Variants in CTNNA3 observed in about 807,000 individuals in gnomAD.
CTNNA3 encodes the protein catenin alpha 3.
CTNNA3 carries 76 observed loss-of-function variants against 95.7 expected under a neutral mutation model. The observed-to-expected ratio is 0.79, with a 90% CI of 0.66 to 0.96. The LOEUF (loss-of-function observed/expected upper bound fraction) is 0.96. Ranked by LOEUF, CTNNA3 falls within the 40% of genes least tolerant of loss-of-function variation. The pLI is 0.00. For synonymous variants in CTNNA3, 431 were observed against 374.4 expected, an observed-to-expected ratio of 1.15 and a Z score of -1.74; for missense variants, 1,191 against 1,089.8, an observed-to-expected ratio of 1.09 and a Z score of -1.31.
chr10:66,119,230 A>G (rs2082467691), intron 13 of CTNNA3, among the ~76,000 whole-genome samples: 1 of 152,202 alleles, frequency 6.6e-6, no homozygotes, highest in Admixed American at 6.5e-5. Flanking sequence ...TTATGAAGCT[A>G]ATGTAACATT....
chr10:67,530,799 A>G (rs1179459045), intron 4 of CTNNA3, among the ~76,000 whole-genome samples: 1 of 152,226 alleles, frequency 6.6e-6, no homozygotes. Context: ...CTCCCATCAC[A>G]GGCCAGGAAG....
chr10:66,525,716 A>G (rs1164931127), intron 10 of CTNNA3, among the ~76,000 whole-genome samples: 1 of 152,164 alleles, frequency 6.6e-6, no homozygotes, highest in Non-Finnish European at 1.5e-5. Context: ...CAGTGGCATT[A>G]AGTACATTCA....
In CTNNA3 at chr10:66,103,209, T is replaced by A; in HGVS notation, c.1925A>T (p.Glu642Val). The part of the protein sequence containing the change: ...ELEDVSDLEE[E>V]HEVRSHTSIQ... ...GCTGGTGTGACTGCGGACCTCGTGT[T>A]CCTCTTCAAGGTCAGAAACATCCTC... Residue 642 changes from glutamate (E) to valine (V), a missense_variant, in exon 14 of 18, where the codon GAA becomes GTA. Glu to Val is a moderately radical substitution (Grantham distance 121). Transcript: ENST00000433211. The A allele has an allele frequency of 6.2e-7, 1 of 1,614,128 alleles. No homozygotes were observed.
intron 9 of CTNNA3, among the ~76,000 whole-genome samples, chr10:66,635,560 T>C (rs1426816968): frequency 6.6e-6 from 1 of 152,166 alleles, no homozygotes; most frequent in African/African-American, 2.4e-5. Flanking sequence ...AGTGAGTCTA[T>C]TTCTGAATCA....
chr10:67,374,105 C>T (rs944562790), intron 5 of CTNNA3, among the ~76,000 whole-genome samples: 3 of 152,142 alleles, frequency 2.0e-5, no homozygotes, highest in Non-Finnish European at 2.9e-5. Context: ...GATTTCCTTA[C>T]AGCTCTAGAG....
chr10:67,112,822 C>T (rs12415118), intron 7 of CTNNA3, among the ~76,000 whole-genome samples: 118,822 of 152,062 alleles, frequency 0.78, 47,254 homozygotes, highest in African/African-American at 0.94. Context: ...TTTTCTTCTA[C>T]ATTTAATCAA....
At chr10:66,812,446 C>A (rs1339469058) in intron 7 of CTNNA3, among the ~76,000 whole-genome samples, 6 of 151,996 alleles carry the variant, frequency 3.9e-5, no homozygotes, top group Admixed American at 6.6e-5. Flanking sequence ...GAGTGAAAGG[C>A]AACATAATAC....
At chr10:66,804,637 G>A (rs1841567648) in intron 7 of CTNNA3, among the ~76,000 whole-genome samples, 1 of 152,010 alleles carries the variant, frequency 6.6e-6, no homozygotes. Flanking sequence ...AAGGGGTACT[G>A]ACTAGATGAA....
At chr10:67,003,923 G>T (rs1851822493) in intron 7 of CTNNA3, among the ~76,000 whole-genome samples, 1 of 152,126 alleles carries the variant, frequency 6.6e-6, no homozygotes, top group Non-Finnish European at 1.5e-5. Flanking sequence ...CCTTGCACAT[G>T]TTTTTTATTG....
chr10:66,106,337 T>TTG (rs201326026), intron 13 of CTNNA3, among the ~76,000 whole-genome samples: 6,415 of 145,420 alleles, frequency 0.044, 123 homozygotes, highest in East Asian at 0.095. Context: ...GTGTGTGTGT[T>TTG]TGTGTGTGTG....
intron 11 of CTNNA3, among the ~76,000 whole-genome samples, chr10:66,447,924 T>C (rs1564973736): frequency 6.6e-6 from 1 of 152,046 alleles, no homozygotes; most frequent in South Asian, 2.1e-4. Flanking sequence ...CGCAACCTAC[T>C]CATCTGACAA....
intron 5 of CTNNA3, among the ~76,000 whole-genome samples, chr10:67,504,691 T>C (rs1005378717): frequency 3.3e-5 from 5 of 152,070 alleles, no homozygotes; most frequent in Admixed American, 3.3e-4. Flanking sequence ...TGGATAAACA[T>C]CCGATCATTT....
At chr10:66,185,680 T>C (rs559001425) in intron 13 of CTNNA3, among the ~76,000 whole-genome samples, 1 of 152,108 alleles carries the variant, frequency 6.6e-6, no homozygotes, top group South Asian at 2.1e-4. Flanking sequence ...TTTTCAGCTT[T>C]ACAGAAATGA....
intron 7 of CTNNA3, among the ~76,000 whole-genome samples, chr10:67,095,596 T>C (rs541529035): frequency 6.6e-6 from 1 of 151,848 alleles, no homozygotes; most frequent in East Asian, 1.9e-4. Flanking sequence ...TGTATCATGG[T>C]TTATTATTTT....
chr10:65,946,121 G>A (rs1200577241), intron 17 of CTNNA3, among the ~76,000 whole-genome samples: 1 of 152,098 alleles, frequency 6.6e-6, no homozygotes, highest in African/African-American at 2.4e-5. Context: ...TCTTTAAGTT[G>A]CAATTTTCAT....
intron 17 of CTNNA3, among the ~76,000 whole-genome samples, chr10:65,927,404 A>G (rs756976668): frequency 1.3e-5 from 2 of 152,242 alleles, no homozygotes; most frequent in Non-Finnish European, 2.9e-5. Flanking sequence ...GTATTGTTAC[A>G]TCAGTGTTCT....
At chr10:66,792,973 C>A (rs901995787) in intron 7 of CTNNA3, among the ~76,000 whole-genome samples, 7 of 151,966 alleles carry the variant, frequency 4.6e-5, no homozygotes, top group African/African-American at 1.7e-4. Flanking sequence ...TAAATATGTA[C>A]AGAAATCACT....
At chr10:66,613,113 T>C (rs1202957648) in intron 10 of CTNNA3, among the ~76,000 whole-genome samples, 1 of 152,126 alleles carries the variant, frequency 6.6e-6, no homozygotes, top group African/African-American at 2.4e-5. Context: ...CTTTGGTTTG[T>C]AATTCATTCT....
chr10:67,016,770 C>T (rs1275693379), intron 7 of CTNNA3, among the ~76,000 whole-genome samples: 1 of 152,074 alleles, frequency 6.6e-6, no homozygotes, highest in Non-Finnish European at 1.5e-5. Context: ...TGTGAGGCTT[C>T]CTTGCTTTCT....
Sources: allele counts gnomAD v4.1 joint callset (sites outside exome capture counted in the v4.1 genomes callset), GRCh38; gene constraint gnomAD v4.1.1; transcripts MANE v1.5; gene names NCBI Gene and HGNC (gene_info 2026-07-23, HGNC 2026-07-21).